FAM171B: variants seen among roughly 807,000 people sequenced by gnomAD.
The protein encoded by FAM171B is family with sequence similarity 171 member B.
In FAM171B, 19 loss-of-function variants were observed where a neutral mutation model predicts 75.6. The ratio of observed to expected loss-of-function variants is 0.25; its 90% CI spans 0.18 to 0.37. FAM171B has a LOEUF of 0.37. Among genes scored for constraint, FAM171B ranks in the 10% least tolerant of loss-of-function variants. The probability of loss-of-function intolerance (pLI) is 1.00; values close to 1 mark genes in which losing one functional copy is unlikely to be tolerated. For missense variants in FAM171B, 848 were observed against 982.4 expected, an observed-to-expected ratio of 0.86 and a Z score of 1.83; for synonymous variants, 367 against 361.7, an observed-to-expected ratio of 1.01 and a Z score of -0.17.
At position 186,714,739 on chromosome 2, in the gene FAM171B, C is replaced by T. The variant is rs549028001; in HGVS notation, c.238+20328C>T. On this transcript the variant is annotated intron_variant, in intron 1 of 7. Coordinates refer to ENST00000304698, the MANE Select transcript of FAM171B (RefSeq NM_177454.4). ...CCGAGCCTAGCTAATGGCAGGAAGG[C>T]ATCACCCCTGGACTTGTATTGAGTT... Among the ~76,000 whole-genome samples the T allele has an allele frequency of 9.1e-4, 139 of 152,296 alleles. 1 individual carries two copies. In the South Asian group the frequency reaches 0.027, roughly 30 times the overall value.
At chr2:186,742,769 A>G (rs1690307544) in intron 2 of FAM171B, among the ~76,000 whole-genome samples, 1 of 152,194 alleles carries the variant, frequency 6.6e-6, no homozygotes, top group African/African-American at 2.4e-5. Context: ...CTTTTGAAGG[A>G]TTGATAAGTT....
chr2:186,700,076 G>GTT lies in FAM171B; in HGVS notation c.238+5674_238+5675dup, dbSNP rs34293772. Among the ~76,000 whole-genome samples the GTT allele has an allele frequency of 9.9e-4, 146 of 147,624 alleles. 1 individual carries two copies. Among genetic ancestry groups the GTT allele is most frequent in the East Asian group, 6.4e-3 (32 of 5,002 alleles). On this transcript the variant is annotated intron_variant, in intron 1 of 7. Transcript: ENST00000304698. ...GTAATTTGATTTCTCCAATTTTGTT[G>GTT]TTTTTTTTTTAGCTCAGGGTGGCTT...
intron 1 of FAM171B, among the ~76,000 whole-genome samples, chr2:186,699,279 A>G (rs575420309): frequency 2.1e-4 from 32 of 152,026 alleles, no homozygotes; most frequent in Non-Finnish European, 4.3e-4. Context: ...CCACATCCTC[A>G]TCAGCATTTC....
At chr2:186,721,624 A>G (rs1574101833) in intron 1 of FAM171B, among the ~76,000 whole-genome samples, 1 of 152,296 alleles carries the variant, frequency 6.6e-6, no homozygotes. Flanking sequence ...TAATTATACA[A>G]TTCTCTAAAC....
chr2:186,709,203 G>C (rs1689777265), intron 1 of FAM171B, among the ~76,000 whole-genome samples: 1 of 152,068 alleles, frequency 6.6e-6, no homozygotes, highest in Admixed American at 6.6e-5. Context: ...CTGCCCCCAT[G>C]ATCCAGTCAC....
In FAM171B at chr2:186,762,884, T is replaced by A. The variant is rs1441268484; in HGVS notation, c.*61T>A. The stretch of plus-strand genomic sequence containing the variant: ...GTTTATTCTTGCTTCTTGTTGTAAA[T>A]TGCAGTACGAACTTAAGAAAATGAG... On this transcript the variant is annotated 3_prime_UTR_variant, in exon 8 of 8. Transcript: ENST00000304698. The surrounding 1 kb of genome is among the most constrained non-coding windows in gnomAD (Gnocchi z 4.0). The A allele has an allele frequency of 3.9e-5, 60 of 1,542,538 alleles. No homozygotes were observed. Among genetic ancestry groups the A allele is most frequent in the Non-Finnish European group, 4.9e-5 (56 of 1,146,294 alleles).
At chr2:186,698,592 AT>A (rs770537990) in intron 1 of FAM171B, among the ~76,000 whole-genome samples, 3 of 152,240 alleles carry the variant, frequency 2.0e-5, no homozygotes, top group Non-Finnish European at 4.4e-5. Context: ...CATAAAATGT[AT>A]AATTATCACA....
intron 1 of FAM171B, among the ~76,000 whole-genome samples, chr2:186,696,605 G>C (rs369922667): frequency 1.3e-5 from 2 of 148,508 alleles, no homozygotes; most frequent in East Asian, 2.0e-4. Context: ...GTCTCCTTTA[G>C]CCCTTACCCT....
At chr2:186,712,220 C>A (rs965566959) in intron 1 of FAM171B, among the ~76,000 whole-genome samples, 2 of 151,876 alleles carry the variant, frequency 1.3e-5, no homozygotes, top group Non-Finnish European at 2.9e-5. Flanking sequence ...TTATTATCTT[C>A]TTTTTTTTGC....
chr2:186,743,337 T>C (rs1468874788), intron 2 of FAM171B, 146 bp from the exon 3 acceptor site: 1 of 583,784 alleles, frequency 1.7e-6, no homozygotes, highest in Non-Finnish European at 3.1e-6. Flanking sequence ...CATTCATTCT[T>C]CCTTTGTTTT....
At chr2:186,727,231 G>A (rs575240547) in intron 1 of FAM171B, among the ~76,000 whole-genome samples, 1 of 152,162 alleles carries the variant, frequency 6.6e-6, no homozygotes, top group African/African-American at 2.4e-5. Flanking sequence ...AATATATCAT[G>A]TATCATTAAT....
At chr2:186,718,501 A>G (rs1689905406) in intron 1 of FAM171B, among the ~76,000 whole-genome samples, 2 of 152,138 alleles carry the variant, frequency 1.3e-5, no homozygotes, top group South Asian at 4.1e-4. Context: ...AAAATATCCC[A>G]TATTCCCTCA....
Position 186,743,587 on chromosome 2 carries a change from A to G in FAM171B, c.565+12A>G. 3 of 1,505,956 alleles carry G rather than the reference A, an allele frequency of 2.0e-6. No individual in the cohort carries two copies. Among genetic ancestry groups the G allele is most frequent in the Non-Finnish European group, 1.8e-6 (2 of 1,083,236 alleles). 93.3% of individuals were successfully genotyped at this position (1,505,956 alleles called of 1,614,324 possible). On this transcript the variant is annotated intron_variant, in intron 3 of 7. Coordinates refer to ENST00000304698, the MANE Select transcript of FAM171B (RefSeq NM_177454.4). ...TGGAAAATTAGCTGGTAAGTACCATACTTCTTACTAAGTAAACACTTAAAG... is the reference window on the plus strand; with the variant it reads ...TGGAAAATTAGCTGGTAAGTACCATGCTTCTTACTAAGTAAACACTTAAAG...
chr2:186,740,176 CAT>C, intron 1 of FAM171B, 50 bp from the exon 2 acceptor site: 1 of 1,285,466 alleles, frequency 7.8e-7, no homozygotes, highest in Non-Finnish European at 1.1e-6. Context: ...AAGACTATGA[CAT>C]ATGCATTCTA....
intron 6 of FAM171B, among the ~76,000 whole-genome samples, chr2:186,759,756 C>T (rs1051521824): frequency 6.6e-6 from 1 of 151,912 alleles, no homozygotes; most frequent in Non-Finnish European, 1.5e-5. Flanking sequence ...TGTGGGTTGT[C>T]TCTTCCCTTT....
At chr2:186,716,676 A>G (rs1328342858) in intron 1 of FAM171B, among the ~76,000 whole-genome samples, 1 of 152,138 alleles carries the variant, frequency 6.6e-6, no homozygotes, top group East Asian at 1.9e-4. Context: ...GGCATATAAC[A>G]ATTTATATAG....
At chr2:186,719,544 T>C (rs1038843066) in intron 1 of FAM171B, among the ~76,000 whole-genome samples, 2 of 152,178 alleles carry the variant, frequency 1.3e-5, no homozygotes, top group Admixed American at 6.5e-5. Context: ...CAAGAGACTG[T>C]TGTGAGAAAA....
intron 1 of FAM171B, among the ~76,000 whole-genome samples, chr2:186,727,248 A>C (rs1559085958): frequency 2.0e-5 from 3 of 152,206 alleles, no homozygotes; most frequent in South Asian, 4.1e-4. Flanking sequence ...TAATCTGGTC[A>C]GTACAGAAGA....
intron 1 of FAM171B, among the ~76,000 whole-genome samples, chr2:186,704,412 T>C (rs1194819111): frequency 6.6e-6 from 1 of 152,180 alleles, no homozygotes; most frequent in East Asian, 1.9e-4. Context: ...CTTGGAATCA[T>C]AGGCTCTTAG....
Sources: gnomAD v4.1 joint callset for allele counts (sites outside exome capture counted in the v4.1 genomes callset) on GRCh38, gnomAD v4.1.1 for gene constraint, Gnocchi (gnomAD v3.1) non-coding constraint, MANE v1.5 for transcripts, NCBI Gene and HGNC (gene_info 2026-07-23, HGNC 2026-07-21) for gene names.